CYP19A1: variants seen among roughly 807,000 people sequenced by gnomAD.
CYP19A1 encodes the protein cytochrome P450 family 19 subfamily A member 1.
A neutral mutation model predicts 44.4 loss-of-function variants in CYP19A1; 32 were observed. The observed-to-expected ratio is 0.72, with a 90% CI of 0.54 to 0.97. The LOEUF (loss-of-function observed/expected upper bound fraction) is 0.97, where lower values mean the gene tolerates loss of function less well. CYP19A1 is among the 50% of genes least tolerant of loss of function. The pLI is 0.00. For synonymous variants in CYP19A1, 212 were observed against 215.6 expected (o/e 0.98, Z 0.14); for missense variants, 598 against 637.8 (o/e 0.94, Z 0.67).
rs1355247336 is a variant in CYP19A1 at position 51,298,970 on chromosome 15, G to A, written c.-39+39525C>T. ...CATGGCTAGTGGGAAGTTGGGAGAGGAGTGGCTGGGACCAGGCACCCCATC... is the reference window on the plus strand; with the variant it reads ...CATGGCTAGTGGGAAGTTGGGAGAGAAGTGGCTGGGACCAGGCACCCCATC... On this transcript the variant is annotated intron_variant, in intron 1 of 9. Coordinates refer to ENST00000396402, the MANE Select transcript of CYP19A1 (RefSeq NM_000103.4). Among the ~76,000 whole-genome samples the A allele has an allele frequency of 3.3e-5, 5 of 152,362 alleles. No homozygotes were observed. The East Asian group carries it at 9.6e-4, about 29-fold the overall frequency.
chr15:51,304,123 A>G (rs1188488491), intron 1 of CYP19A1, among the ~76,000 whole-genome samples: 1 of 152,242 alleles, frequency 6.6e-6, no homozygotes, highest in African/African-American at 2.4e-5. Context: ...ACTTTGGTTT[A>G]AAATATTGAC....
chr15:51,223,486 CAG>C (rs1354591166), intron 4 of CYP19A1, among the ~76,000 whole-genome samples: 2 of 151,808 alleles, frequency 1.3e-5, no homozygotes, highest in Admixed American at 1.3e-4. Context: ...CTGTTAACAT[CAG>C]AGTCTTTGAA....
intron 4 of CYP19A1, 107 bp downstream of exon 4, chr15:51,227,672 C>CACTAAATAAATAAATA: frequency 3.9e-6 from 1 of 255,954 alleles, no homozygotes; most frequent in Non-Finnish European, 7.1e-6. Context: ...GAGCCTGTCT[C>CACTAAATAAATAAATA]AATAAATAAA....
At position 51,212,564 on chromosome 15, in the gene CYP19A1, G is replaced by T; in HGVS notation, c.1022-3C>A. ...ATCAATCTTTATGTCTCTCTCACCT[G>T]TGGAAACAGATAAAAGGAACAAAGA... On this transcript the variant is annotated splice_polypyrimidine_tract_variant and splice_region_variant and intron_variant, in intron 8 of 9. Transcript: ENST00000396402. 6.9e-7 allele frequency: 1 copy of T among 1,459,134 alleles called. No homozygotes were observed. The highest frequency in any genetic ancestry group is 9.6e-7 in the Non-Finnish European group (1 of 1,038,598). The allele number at this position is 1,459,134 out of a possible 1,614,324, so 90.4% of individuals were successfully genotyped here.
chr15:51,249,164 C>T (rs2034200235), intron 1 of CYP19A1, among the ~76,000 whole-genome samples: 2 of 152,250 alleles, frequency 1.3e-5, no homozygotes, highest in Middle Eastern at 3.4e-3. Context: ...TGGTCTCGAA[C>T]TCCTGACCTC....
chr15:51,296,614 C>T (rs1345114052), intron 1 of CYP19A1, among the ~76,000 whole-genome samples: 2 of 152,136 alleles, frequency 1.3e-5, no homozygotes, highest in Non-Finnish European at 2.9e-5. Flanking sequence ...AAAAGTTGTT[C>T]CTTTATGCTG....
intron 4 of CYP19A1, among the ~76,000 whole-genome samples, chr15:51,223,292 G>C (rs1454803053): frequency 6.7e-6 from 1 of 149,558 alleles, no homozygotes; most frequent in African/African-American, 2.5e-5. Context: ...TGAAAATAGA[G>C]TAAACTGGCT....
At chr15:51,232,448 G>A (rs1225425638) in intron 3 of CYP19A1, among the ~76,000 whole-genome samples, 1 of 151,916 alleles carries the variant, frequency 6.6e-6, no homozygotes, top group Non-Finnish European at 1.5e-5. Context: ...GCTAGTTTCT[G>A]ACCTATTTAC....
chr15:51,327,688 G>C (rs979281592), intron 1 of CYP19A1, among the ~76,000 whole-genome samples: 1 of 152,094 alleles, frequency 6.6e-6, no homozygotes, highest in Non-Finnish European at 1.5e-5. Context: ...CACTAGTTCA[G>C]TTGAAATAGT....
chr15:51,313,668 G>T (rs2036361703), intron 1 of CYP19A1, among the ~76,000 whole-genome samples: 1 of 152,024 alleles, frequency 6.6e-6, no homozygotes, highest in Non-Finnish European at 1.5e-5. Context: ...ATGGTGGCGG[G>T]CATCTATAAT....
rs567960634 is a variant in CYP19A1 at position 51,210,397 on chromosome 15, G to A, written c.*411C>T. 2.0e-6 allele frequency: 1 copy of A among 504,962 alleles called. No homozygotes were observed. The highest frequency in any genetic ancestry group is 2.3e-5 in the Admixed American group (1 of 43,836). The allele number at this position is 504,962 out of a possible 1,614,324, so 31.3% of individuals were successfully genotyped here. ...TTTGGCCCCAGGTACCCTGACATTG[G>A]CCTGGTCTTTCTAATCAACTTGAGT... On this transcript the variant is annotated 3_prime_UTR_variant, in exon 10 of 10. Coordinates refer to ENST00000396402, the MANE Select transcript of CYP19A1 (RefSeq NM_000103.4).
chr15:51,324,178 A>G (rs575949918), intron 1 of CYP19A1, among the ~76,000 whole-genome samples: 7 of 152,212 alleles, frequency 4.6e-5, no homozygotes, highest in Non-Finnish European at 1.0e-4. Flanking sequence ...CCCACACATG[A>G]AGGCCAGTCA....
intron 1 of CYP19A1, among the ~76,000 whole-genome samples, chr15:51,333,315 G>A (rs911964737): frequency 2.0e-5 from 3 of 152,048 alleles, no homozygotes; most frequent in Non-Finnish European, 2.9e-5. Flanking sequence ...AGTCACTGGC[G>A]GGGAGACTCT....
intron 1 of CYP19A1, among the ~76,000 whole-genome samples, chr15:51,300,588 C>G (rs2036092071): frequency 6.6e-6 from 1 of 152,174 alleles, no homozygotes; most frequent in African/African-American, 2.4e-5. Context: ...CCCACCACGC[C>G]TGCCAGGCCT....
rs571532730 is a variant in CYP19A1, at chr15:51,210,887, G to A, written c.1433C>T (p.Ser478Phe). 1.3e-6 allele frequency: 2 copies of A among 1,591,716 alleles called. No homozygotes were observed. Among genetic ancestry groups the A allele is most frequent in the East Asian group, 4.5e-5 (2 of 44,758 alleles). The change falls in exon 10 of 10, where the codon TCC becomes TTC. Residue 478 changes from serine to phenylalanine, a missense_variant. By Grantham distance (155) the Ser-to-Phe change is radical. Coordinates refer to ENST00000396402, the MANE Select transcript of CYP19A1 (RefSeq NM_000103.4). ...GTTTTTAGTCTCATCTGGGTGCAAG[G>A]ACAAGTCGTGTATCTTCTGTATGCT... ...VESIQKIHDL[S>F]LHPDETKNML...
intron 1 of CYP19A1, among the ~76,000 whole-genome samples, chr15:51,333,966 T>G (rs1240125425): frequency 1.3e-5 from 2 of 152,212 alleles, no homozygotes; most frequent in Non-Finnish European, 2.9e-5. Flanking sequence ...AGATGACAGT[T>G]CCCCTACATG....
intron 2 of CYP19A1, among the ~76,000 whole-genome samples, chr15:51,241,527 G>T (rs1282254961): frequency 6.6e-6 from 1 of 151,898 alleles, no homozygotes; most frequent in Non-Finnish European, 1.5e-5. Context: ...GGAAGAAGAG[G>T]AAAAAAAGGC....
intron 2 of CYP19A1, among the ~76,000 whole-genome samples, chr15:51,239,125 G>A (rs1009312504): frequency 2.6e-5 from 4 of 152,148 alleles, no homozygotes; most frequent in Non-Finnish European, 2.9e-5. Context: ...TAAGCTGATC[G>A]TTGCTTCTCA....
rs1011536925 is a variant in CYP19A1, at chr15:51,210,487, C to T, written c.*321G>A. 2.4e-5 allele frequency: 13 copies of T among 544,624 alleles called. No homozygotes were observed. Among genetic ancestry groups the T allele is most frequent in the Non-Finnish European group, 4.6e-5 (13 of 283,632 alleles). The allele number at this position is 544,624 out of a possible 1,614,324, so 33.7% of individuals were successfully genotyped here. ...AGTAGAGCTCTACTGGGGAACCAGA[C>T]ATACATTTTGTTAATGAAGGCCTAT... On this transcript the variant is annotated 3_prime_UTR_variant, in exon 10 of 10. Transcript: ENST00000396402.
Sources: allele counts gnomAD v4.1 joint callset (sites outside exome capture counted in the v4.1 genomes callset), GRCh38; gene constraint gnomAD v4.1.1; transcripts MANE v1.5; gene names NCBI Gene and HGNC (gene_info 2026-07-23, HGNC 2026-07-21).